CNTNAP5: variants seen among roughly 807,000 people sequenced by gnomAD.
CNTNAP5 encodes contactin-associated protein-like 5.
In CNTNAP5, 72 loss-of-function variants were observed where a neutral mutation model predicts 150.2. The ratio of observed to expected loss-of-function variants is 0.48; its 90% CI spans 0.40 to 0.58. The LOEUF is 0.58. Among genes scored for constraint, CNTNAP5 ranks in the 20% least tolerant of loss-of-function variants. The pLI is 0.00. For missense variants in CNTNAP5, 1,636 were observed against 1,626.2 expected (o/e 1.01, Z -0.10); for synonymous variants, 672 against 619.8 (o/e 1.08, Z -1.25).
chr2:124,315,136 T>C (rs1484821905), intron 3 of CNTNAP5, among the ~76,000 whole-genome samples: 1 of 152,110 alleles, frequency 6.6e-6, no homozygotes, highest in Non-Finnish European at 1.5e-5. Context: ...CTAATCTTTT[T>C]AACTGTTGTA....
chr2:124,309,908 G>A (rs1688781526), intron 3 of CNTNAP5, among the ~76,000 whole-genome samples: 1 of 152,184 alleles, frequency 6.6e-6, no homozygotes, highest in Admixed American at 6.5e-5. Flanking sequence ...GGGCATAACA[G>A]GAACAGTGTC....
chr2:124,609,971 G>C (rs1573495101), intron 12 of CNTNAP5, 51 bp downstream of exon 12: 2 of 1,556,440 alleles, frequency 1.3e-6, no homozygotes, highest in Non-Finnish European at 1.8e-6. Flanking sequence ...TTCATGGAAG[G>C]AAGCAAAAAT....
intron 6 of CNTNAP5, among the ~76,000 whole-genome samples, chr2:124,467,401 G>A (rs1693402325): frequency 1.3e-5 from 2 of 152,116 alleles, no homozygotes; most frequent in Admixed American, 6.6e-5. Context: ...AGGATGATCA[G>A]TATTCAATTT....
chr2:124,422,661 C>A (rs537193070), intron 4 of CNTNAP5, among the ~76,000 whole-genome samples: 2 of 152,272 alleles, frequency 1.3e-5, no homozygotes, highest in East Asian at 3.9e-4. Context: ...TTCACAAAAT[C>A]AAAGTTAGCA....
chr2:124,408,154 C>G (rs1359699709), intron 3 of CNTNAP5, among the ~76,000 whole-genome samples: 1 of 152,196 alleles, frequency 6.6e-6, no homozygotes, highest in East Asian at 1.9e-4. Flanking sequence ...TCACTCCCAC[C>G]CGAATACTGC....
At chr2:124,431,800 C>T (rs1303152017) in intron 4 of CNTNAP5, among the ~76,000 whole-genome samples, 1 of 151,316 alleles carries the variant, frequency 6.6e-6, no homozygotes, top group East Asian at 1.9e-4. Context: ...TAATTGAATA[C>T]ATTGTTATGC....
At chr2:124,818,461 T>TGGG (rs1682416178) in intron 19 of CNTNAP5, among the ~76,000 whole-genome samples, 9 of 151,506 alleles carry the variant, frequency 5.9e-5, no homozygotes, top group Non-Finnish European at 8.8e-5. Context: ...CAAGGGGGGT[T>TGGG]TGCATGGCTA....
intron 14 of CNTNAP5, among the ~76,000 whole-genome samples, chr2:124,750,782 G>A (rs955426569): frequency 2.6e-5 from 4 of 151,884 alleles, no homozygotes; most frequent in East Asian, 1.9e-4. Context: ...TCAGGAGCTC[G>A]AGACCAACCT....
chr2:124,398,381 G>A (rs1446992921), intron 3 of CNTNAP5, among the ~76,000 whole-genome samples: 3 of 152,160 alleles, frequency 2.0e-5, no homozygotes, highest in Non-Finnish European at 4.4e-5. Context: ...GGAACATCTC[G>A]CAGTTTGATG....
chr2:124,074,086 A>G (rs1044297125), intron 1 of CNTNAP5, among the ~76,000 whole-genome samples: 38 of 152,254 alleles, frequency 2.5e-4, no homozygotes, highest in African/African-American at 9.1e-4. Flanking sequence ...TAAGCCAGGC[A>G]CAGAAAGACA....
intron 1 of CNTNAP5, among the ~76,000 whole-genome samples, chr2:124,136,316 T>C (rs1683970761): frequency 6.6e-6 from 1 of 152,008 alleles, no homozygotes; most frequent in Non-Finnish European, 1.5e-5. Context: ...TAACTAACAA[T>C]AGAGGGGAGA....
chr2:124,051,020 A>C (rs1196119441), intron 1 of CNTNAP5, among the ~76,000 whole-genome samples: 1 of 152,192 alleles, frequency 6.6e-6, no homozygotes, highest in East Asian at 1.9e-4. Flanking sequence ...TAAAACCTGA[A>C]ACAGAAGTAT....
intron 3 of CNTNAP5, among the ~76,000 whole-genome samples, chr2:124,364,657 G>GATTCTTTATTTCTAAAGCAAGA (rs1690317726): frequency 1.3e-5 from 2 of 152,266 alleles, no homozygotes; most frequent in South Asian, 4.2e-4. Flanking sequence ...CACATTTAGT[G>GATTCTTTATTTCTAAAGCAAGA]ATTCTTTATT....
At chr2:124,746,402 A>G (rs1471027869) in intron 13 of CNTNAP5, among the ~76,000 whole-genome samples, 2 of 152,216 alleles carry the variant, frequency 1.3e-5, no homozygotes, top group African/African-American at 4.8e-5. Flanking sequence ...GTTAGCTATA[A>G]AGACTGGAAA....
chr2:124,600,557 A>G (rs1255277489), intron 11 of CNTNAP5, among the ~76,000 whole-genome samples: 2 of 152,156 alleles, frequency 1.3e-5, no homozygotes, highest in Admixed American at 1.3e-4. Flanking sequence ...CATCTCATGT[A>G]AAATGTCTGT....
chr2:124,166,007 T>A (rs1260517615), intron 1 of CNTNAP5, among the ~76,000 whole-genome samples: 1 of 152,200 alleles, frequency 6.6e-6, no homozygotes, highest in East Asian at 1.9e-4. Flanking sequence ...TGCAGAGGAT[T>A]GTGAGTGTGA....
chr2:124,518,635 G>T (rs1315338702), intron 8 of CNTNAP5, among the ~76,000 whole-genome samples: 1 of 152,072 alleles, frequency 6.6e-6, no homozygotes, highest in Admixed American at 6.5e-5. Context: ...GTTCATAGCA[G>T]CATTATTCTT....
intron 6 of CNTNAP5, among the ~76,000 whole-genome samples, chr2:124,453,681 T>C (rs1558909416): frequency 1.3e-5 from 2 of 152,270 alleles, no homozygotes; most frequent in Non-Finnish European, 2.9e-5. Context: ...TAACAGCAGA[T>C]TTCTCAGCAC....
chr2:124,218,308 C>G (rs1686213872), intron 1 of CNTNAP5, among the ~76,000 whole-genome samples: 1 of 152,112 alleles, frequency 6.6e-6, no homozygotes, highest in African/African-American at 2.4e-5. Flanking sequence ...GTTTACTAGG[C>G]TAATTTCATA....
Sources: allele counts gnomAD v4.1 joint callset (sites outside exome capture counted in the v4.1 genomes callset), GRCh38; gene constraint gnomAD v4.1.1; transcripts MANE v1.5; gene names NCBI Gene and HGNC (gene_info 2026-07-23, HGNC 2026-07-21).